The following SFXN5 variants were observed in gnomAD, a reference collection of about 807,000 sequenced individuals.
SFXN5 encodes sideroflexin 5.
A neutral mutation model predicts 50.2 loss-of-function variants in SFXN5; 43 were observed. The ratio of observed to expected loss-of-function variants is 0.86; its 90% CI spans 0.67 to 1.11. SFXN5 has a LOEUF of 1.11. Ranked by LOEUF, SFXN5 falls within the 50% of genes least tolerant of loss-of-function variation. The probability of loss-of-function intolerance (pLI) is 0.00; values close to 1 mark genes in which losing one functional copy is unlikely to be tolerated. For synonymous variants in SFXN5, 203 were observed against 185.8 expected, an observed-to-expected ratio of 1.09 and a Z score of -0.75; for missense variants, 463 against 454.1, an observed-to-expected ratio of 1.02 and a Z score of -0.18.
rs373823043 is a variant in SFXN5, at chr2:73,071,712, T to G, written c.-7A>C. ...TAGTCGCTGTATCCGCCATGGCCAC[T>G]GACGCCCGCAATCTCCGGCCCTTTT... On this transcript the variant is annotated 5_prime_UTR_variant, in exon 1 of 14. Coordinates refer to ENST00000272433, the MANE Select transcript of SFXN5 (RefSeq NM_144579.3). 9.9e-6 allele frequency: 16 copies of G among 1,611,268 alleles called. No homozygotes were observed. Among genetic ancestry groups the G allele is most frequent in the Non-Finnish European group, 1.3e-5 (15 of 1,179,358 alleles).
chr2:72,995,321 C>T lies in SFXN5; in HGVS notation c.534+3628G>A, dbSNP rs148061602. 6.2e-4 allele frequency among the ~76,000 whole-genome samples: 94 copies of T among 152,336 alleles called. 1 individual carries two copies. In the East Asian group the frequency reaches 0.014, roughly 22 times the overall value. On this transcript the variant is annotated intron_variant, in intron 9 of 13. Transcript: ENST00000272433. The stretch of plus-strand genomic sequence containing the variant: ...GTTAGATTTCAAAAATAACTTAAGA[C>T]GGGATTTCTTTTTTATTCTCAAGCA...
chr2:73,027,553 T>C (rs1455730315), intron 3 of SFXN5, among the ~76,000 whole-genome samples: 1 of 152,226 alleles, frequency 6.6e-6, no homozygotes, highest in Non-Finnish European at 1.5e-5. Flanking sequence ...CACAGTCATG[T>C]CCTGGGCCTT....
intron 2 of SFXN5, among the ~76,000 whole-genome samples, chr2:73,057,461 A>G (rs2106026089): frequency 6.6e-6 from 1 of 152,322 alleles, no homozygotes; most frequent in South Asian, 2.1e-4. Flanking sequence ...GTTAAGGTAA[A>G]GAAGCCAGAT....
intron 2 of SFXN5, among the ~76,000 whole-genome samples, chr2:73,052,858 G>C (rs1435460544): frequency 6.6e-6 from 1 of 152,170 alleles, no homozygotes; most frequent in East Asian, 1.9e-4. Flanking sequence ...ACTGCACCCT[G>C]GCAAGGAGAC....
At chr2:73,015,946 A>G (rs1676095752) in intron 6 of SFXN5, among the ~76,000 whole-genome samples, 1 of 138,990 alleles carries the variant, frequency 7.2e-6, no homozygotes, top group Non-Finnish European at 1.6e-5. Flanking sequence ...TCCAAAAAAG[A>G]AAAAAAAAAA....
chr2:72,981,965 TTGTGTGTGTGTGTG>T (rs10582006), intron 10 of SFXN5, among the ~76,000 whole-genome samples: 1 of 145,608 alleles, frequency 6.9e-6, no homozygotes, highest in South Asian at 2.2e-4. Context: ...CACTGGAACT[TTGTGTGTGTGTGTG>T]TGTGTGTGTG....
At chr2:72,965,304 C>T (rs1674254715) in intron 12 of SFXN5, among the ~76,000 whole-genome samples, 1 of 152,160 alleles carries the variant, frequency 6.6e-6, no homozygotes, top group Non-Finnish European at 1.5e-5. Context: ...CAGCCCGACT[C>T]CAGAGGAAAA....
intron 1 of SFXN5, among the ~76,000 whole-genome samples, chr2:73,060,495 C>T (rs543249106): frequency 6.6e-6 from 1 of 152,046 alleles, no homozygotes; most frequent in South Asian, 2.1e-4. Flanking sequence ...TGAGACTGTT[C>T]CACATTAAAG....
chr2:72,969,228 G>A (rs749299986), intron 11 of SFXN5, among the ~76,000 whole-genome samples: 6 of 152,184 alleles, frequency 3.9e-5, no homozygotes, highest in East Asian at 1.9e-4. Flanking sequence ...TGACTACCTC[G>A]GGGGTGGTGG....
intron 1 of SFXN5, among the ~76,000 whole-genome samples, chr2:73,068,432 C>T (rs1455529494): frequency 1.3e-5 from 2 of 152,120 alleles, no homozygotes; most frequent in Non-Finnish European, 2.9e-5. Context: ...AGACTCACCT[C>T]CTTAGAGACA....
chr2:72,959,563 G>A (rs1295295505), intron 13 of SFXN5, among the ~76,000 whole-genome samples: 1 of 152,032 alleles, frequency 6.6e-6, no homozygotes, highest in African/African-American at 2.4e-5. Context: ...GAACACAGGA[G>A]CCATTGGAAC....
At chr2:73,021,059 C>A (rs1676821727) in intron 5 of SFXN5, among the ~76,000 whole-genome samples, 1 of 152,204 alleles carries the variant, frequency 6.6e-6, no homozygotes, top group Non-Finnish European at 1.5e-5. Context: ...GTTCTCATAC[C>A]CACTTCTCTC....
At position 73,058,478 on chromosome 2, in the gene SFXN5, T is replaced by C. The variant is rs754060685; in HGVS notation, c.171+50A>G. ...CCTTAATGACCCACATATTCTGAAA[T>C]GACAAGGTACAAAGGCCCAAGGGCC... is the stretch of plus-strand genomic sequence containing the variant. On this transcript the variant is annotated intron_variant, in intron 2 of 13. Coordinates refer to ENST00000272433, the MANE Select transcript of SFXN5 (RefSeq NM_144579.3). 13 of 1,548,876 alleles carry C rather than the reference T, an allele frequency of 8.4e-6. No homozygotes were observed. The Admixed American group carries it at 2.2e-4, about 26-fold the overall frequency.
At chr2:73,041,524 T>C in intron 2 of SFXN5, 1 of 287,590 alleles carries the variant, frequency 3.5e-6, no homozygotes, top group Non-Finnish European at 7.2e-6. Context: ...ACCCTGTCTC[T>C]ACTAAAAATA....
Position 72,945,696 on chromosome 2 carries a change from C to T in SFXN5, c.946-597G>A, listed in dbSNP as rs113181730. 6.6e-6 allele frequency among the ~76,000 whole-genome samples: 1 copy of T among 152,130 alleles called. No homozygotes were observed. The highest frequency in any genetic ancestry group is 1.5e-5 in the Non-Finnish European group (1 of 68,002). ...CTCCCTAGCCCAAGGGTCCCTCCCACGCTGCTGGCAGAAGCCCTGCTTCGG... is the reference window on the plus strand; with the variant it reads ...CTCCCTAGCCCAAGGGTCCCTCCCATGCTGCTGGCAGAAGCCCTGCTTCGG... On this transcript the variant is annotated intron_variant, in intron 13 of 13. Coordinates refer to ENST00000272433, the MANE Select transcript of SFXN5 (RefSeq NM_144579.3). The surrounding 1 kb of genome is among the most constrained non-coding windows in gnomAD (Gnocchi z 5.8).
chr2:72,970,693 GTT>G (rs796392631), intron 11 of SFXN5, among the ~76,000 whole-genome samples: 1 of 145,378 alleles, frequency 6.9e-6, no homozygotes, highest in African/African-American at 2.5e-5. Flanking sequence ...CATGGACTGC[GTT>G]TTTTTTTTTT....
chr2:72,957,832 G>A (rs993326897), intron 13 of SFXN5, among the ~76,000 whole-genome samples: 3 of 152,234 alleles, frequency 2.0e-5, no homozygotes, highest in African/African-American at 7.2e-5. Flanking sequence ...GCATCTTGTT[G>A]GGATCCACAT....
chr2:72,997,542 C>G lies in SFXN5; in HGVS notation c.534+1407G>C, dbSNP rs1673392962. 4 of 152,118 alleles carry G rather than the reference C, an allele frequency of 2.6e-5. No individual in the cohort carries two copies. The South Asian group carries it at 8.4e-4, about 32-fold the overall frequency. The allele number at this position is 152,118 out of a possible 1,614,324, so 9.4% of individuals were successfully genotyped here. Reference sequence around the variant, plus strand: ...TACAGGGGCACACCAGCTTGCCCAGCTGAATGGTTTTGGGGTTTTTTAATT... The same window carrying G: ...TACAGGGGCACACCAGCTTGCCCAGGTGAATGGTTTTGGGGTTTTTTAATT... On this transcript the variant is annotated intron_variant, in intron 9 of 13. Coordinates refer to ENST00000272433, the MANE Select transcript of SFXN5 (RefSeq NM_144579.3).
chr2:73,007,582 A>G (rs1027994932), intron 6 of SFXN5, among the ~76,000 whole-genome samples: 18 of 152,244 alleles, frequency 1.2e-4, no homozygotes, highest in African/African-American at 4.3e-4. Context: ...ATCTTCCTCG[A>G]GAGCTTCTAT....
Sources: gnomAD v4.1 joint callset for allele counts (sites outside exome capture counted in the v4.1 genomes callset) on GRCh38, gnomAD v4.1.1 for gene constraint, Gnocchi (gnomAD v3.1) non-coding constraint, MANE v1.5 for transcripts, NCBI Gene and HGNC (gene_info 2026-07-23, HGNC 2026-07-21) for gene names.